DLC1: variants seen among roughly 807,000 people sequenced by gnomAD.
The protein encoded by DLC1 is DLC1 Rho GTPase activating protein.
In DLC1, 54 loss-of-function variants were observed where a neutral mutation model predicts 140.3. That is an observed-to-expected ratio of 0.38 (90% CI 0.31 to 0.48). DLC1 has a LOEUF of 0.48. Among genes scored for constraint, DLC1 ranks in the 20% least tolerant of loss-of-function variants. The pLI is 0.96. For synonymous variants in DLC1, 986 were observed against 728.1 expected (o/e 1.35, Z -5.70); for missense variants, 2,536 against 1,907.0 (o/e 1.33, Z -6.14).
intron 4 of DLC1, among the ~76,000 whole-genome samples, chr8:13,313,704 A>G (rs1382237936): frequency 1.3e-5 from 2 of 152,208 alleles, no homozygotes; most frequent in African/African-American, 4.8e-5. Context: ...CTCCAGTCCA[A>G]TTAACTTGTT....
At chr8:13,546,937 T>C (rs552829842) in intron 1 of DLC1, among the ~76,000 whole-genome samples, 1 of 152,274 alleles carries the variant, frequency 6.6e-6, no homozygotes, top group Non-Finnish European at 1.5e-5. Context: ...TTTGGAGAAG[T>C]TCTTTCTTCT....
chr8:13,269,701 C>CAAAAAA lies in DLC1; in HGVS notation c.1348+35562_1348+35567dup, dbSNP rs57030004. On this transcript the variant is annotated intron_variant, in intron 5 of 17. Transcript: ENST00000276297. ...CCTGGGAAACAAAGCAAAACTCTGT[C>CAAAAAA]AAAAAAAAAAAAAAAAAAAAAAAAG... 4.7e-4 allele frequency among the ~76,000 whole-genome samples: 47 copies of CAAAAAA among 99,444 alleles called. 1 individual carries two copies. The highest frequency in any genetic ancestry group is 6.0e-3 in the Middle Eastern group (1 of 168). 65.2% of individuals were successfully genotyped at this position (99,444 alleles called of 152,430 possible). A position where few individuals can be genotyped will look rare whatever the true frequency, so the allele number is the denominator to read the frequency against.
At chr8:13,418,526 G>A (rs889012378) in intron 2 of DLC1, among the ~76,000 whole-genome samples, 11 of 152,108 alleles carry the variant, frequency 7.2e-5, no homozygotes, top group African/African-American at 2.2e-4. Flanking sequence ...GATAGTTGTA[G>A]ATAAGCAGCG....
At chr8:13,231,773 C>T (rs1419920769) in intron 5 of DLC1, among the ~76,000 whole-genome samples, 1 of 152,200 alleles carries the variant, frequency 6.6e-6, no homozygotes, top group Non-Finnish European at 1.5e-5. Flanking sequence ...AATGTCTTAT[C>T]CTCTAATTGT....
intron 5 of DLC1, among the ~76,000 whole-genome samples, chr8:13,146,751 T>C (rs1823467713): frequency 6.6e-6 from 1 of 152,178 alleles, no homozygotes; most frequent in Non-Finnish European, 1.5e-5. Flanking sequence ...ATAAGAGTTA[T>C]GGCAAGGTTT....
At chr8:13,224,678 C>T (rs554147507) in intron 5 of DLC1, among the ~76,000 whole-genome samples, 1 of 152,308 alleles carries the variant, frequency 6.6e-6, no homozygotes, top group South Asian at 2.1e-4. Flanking sequence ...TGAGGAGCTA[C>T]TTCCTTCTAA....
chr8:13,353,465 G>T (rs1202836256), intron 4 of DLC1: 2 of 151,870 alleles, frequency 1.3e-5, no homozygotes, highest in Non-Finnish European at 1.5e-5. Context: ...GTTTTGAAGA[G>T]AATATAGAAT....
intron 1 of DLC1, among the ~76,000 whole-genome samples, chr8:13,520,899 A>G (rs894402116): frequency 1.3e-5 from 2 of 152,140 alleles, no homozygotes; most frequent in Non-Finnish European, 1.5e-5. Flanking sequence ...CACCCTTGTT[A>G]CATTACACCA....
At chr8:13,363,892 G>T (rs1835359958) in intron 4 of DLC1, among the ~76,000 whole-genome samples, 1 of 152,122 alleles carries the variant, frequency 6.6e-6, no homozygotes, top group African/African-American at 2.4e-5. Context: ...TGCTTTACTT[G>T]GCTAAAGAAA....
chr8:13,420,913 A>G (rs936810513), intron 2 of DLC1, among the ~76,000 whole-genome samples: 1 of 152,128 alleles, frequency 6.6e-6, no homozygotes, highest in Non-Finnish European at 1.5e-5. Flanking sequence ...TGTGGCAGAA[A>G]GACCACTATA....
At chr8:13,364,097 C>T (rs1835371599) in intron 4 of DLC1, among the ~76,000 whole-genome samples, 1 of 151,974 alleles carries the variant, frequency 6.6e-6, no homozygotes, top group African/African-American at 2.4e-5. Context: ...AGAAAAGAGG[C>T]AGGAGAATGA....
chr8:13,217,796 C>T (rs944159545), intron 5 of DLC1, among the ~76,000 whole-genome samples: 1 of 151,840 alleles, frequency 6.6e-6, no homozygotes, highest in Non-Finnish European at 1.5e-5. Context: ...CGAGATCACG[C>T]CACTGCACGC....
intron 4 of DLC1, among the ~76,000 whole-genome samples, chr8:13,310,550 C>A (rs539758322): frequency 3.3e-5 from 5 of 151,768 alleles, no homozygotes. Context: ...CAACAGGAAG[C>A]GTTTTGGGAT....
At chr8:13,545,131 A>G (rs1803610767) in intron 1 of DLC1, among the ~76,000 whole-genome samples, 5 of 152,142 alleles carry the variant, frequency 3.3e-5, no homozygotes, top group Admixed American at 3.3e-4. Context: ...ATGTAAATAA[A>G]TTTAAACTGC....
At chr8:13,469,851 G>A (rs532534531) in intron 2 of DLC1, among the ~76,000 whole-genome samples, 16 of 152,224 alleles carry the variant, frequency 1.1e-4, no homozygotes, top group Admixed American at 2.0e-4. Context: ...ATTTCCTGAA[G>A]AGAAAGCACA....
At chr8:13,601,205 A>G (rs766453056) in intron 1 of DLC1, among the ~76,000 whole-genome samples, 13 of 151,888 alleles carry the variant, frequency 8.6e-5, no homozygotes, top group Non-Finnish European at 1.9e-4. Flanking sequence ...CAGTCAGCTC[A>G]CCAGTAAGTT....
At chr8:13,408,763 T>TG (rs1837669699) in intron 2 of DLC1, among the ~76,000 whole-genome samples, 2 of 152,330 alleles carry the variant, frequency 1.3e-5, no homozygotes, top group Non-Finnish European at 2.9e-5. Context: ...ATCATGCTTA[T>TG]GTGGTATCTG....
intron 1 of DLC1, among the ~76,000 whole-genome samples, chr8:13,568,872 A>G (rs1427024593): frequency 6.6e-6 from 1 of 152,210 alleles, no homozygotes. Context: ...GGGCAGACAA[A>G]ATAGATTGAG....
At chr8:13,567,143 C>T (rs949471852) in intron 1 of DLC1, 1 of 1,551,660 alleles carries the variant, frequency 6.4e-7, no homozygotes, top group Admixed American at 2.0e-5. Context: ...CCCCTGACCT[C>T]TGGGAGCAAA....
Sources: allele counts gnomAD v4.1 joint callset (sites outside exome capture counted in the v4.1 genomes callset), GRCh38; gene constraint gnomAD v4.1.1; transcripts MANE v1.5; gene names NCBI Gene and HGNC (gene_info 2026-07-23, HGNC 2026-07-21).